Variants in C1QTNF3 observed in about 807,000 individuals in gnomAD.
C1QTNF3 encodes complement C1q tumor necrosis factor-related protein 3.
A neutral mutation model predicts 32.6 loss-of-function variants in C1QTNF3; 26 were observed. The ratio of observed to expected loss-of-function variants is 0.80; its 90% confidence interval spans 0.58 to 1.11. C1QTNF3 has a LOEUF of 1.11. Among genes scored for constraint, C1QTNF3 ranks in the 50% least tolerant of loss-of-function variants. C1QTNF3 has a pLI of 0.00. For synonymous variants in C1QTNF3, 155 were observed against 146.0 expected, an observed-to-expected ratio of 1.06 and a Z score of -0.44; for missense variants, 362 against 398.2, an observed-to-expected ratio of 0.91 and a Z score of 0.77.
At chr5:34,029,995 T>C (rs1429200614) in intron 3 of C1QTNF3, among the ~76,000 whole-genome samples, 1 of 152,178 alleles carries the variant, frequency 6.6e-6, no homozygotes, top group African/African-American at 2.4e-5. Context: ...CCAGAACTTT[T>C]CTAATTTTTT....
At chr5:34,176,154 C>T in the C1QTNF3 span, among the ~76,000 whole-genome samples, 1 of 149,162 alleles carries the variant, frequency 6.7e-6, no homozygotes, top group East Asian at 2.0e-4. Context: ...TCGCCAAGAA[C>T]AAAAAACCAA....
the C1QTNF3 span, among the ~76,000 whole-genome samples, chr5:34,210,701 G>C: frequency 2.6e-5 from 4 of 151,870 alleles, no homozygotes; most frequent in African/African-American, 9.7e-5. Context: ...TCATAAATAT[G>C]ATACAACAGA....
At chr5:34,175,250 G>A in the C1QTNF3 span, among the ~76,000 whole-genome samples, 3 of 151,100 alleles carry the variant, frequency 2.0e-5, no homozygotes, top group Non-Finnish European at 4.4e-5. Context: ...CTCCTATGCT[G>A]AACAGGCTGG....
At chr5:34,040,406 G>A (rs1425067336) in intron 1 of C1QTNF3, among the ~76,000 whole-genome samples, 1 of 152,032 alleles carries the variant, frequency 6.6e-6, no homozygotes, top group Non-Finnish European at 1.5e-5. Context: ...CCAAAAAAAG[G>A]GAAAAGAAAG....
At chr5:34,065,394 G>T in the C1QTNF3 span, among the ~76,000 whole-genome samples, 1 of 152,100 alleles carries the variant, frequency 6.6e-6, no homozygotes, top group Admixed American at 6.6e-5. Context: ...GGCCATGCAT[G>T]GTGGCTCACA....
chr5:34,059,515 T>G, the C1QTNF3 span, among the ~76,000 whole-genome samples: 1 of 152,178 alleles, frequency 6.6e-6, no homozygotes, highest in African/African-American at 2.4e-5. Context: ...GCCTGCTTCC[T>G]GGTCTATAGA....
chr5:34,211,017 T>C, the C1QTNF3 span, among the ~76,000 whole-genome samples: 1 of 151,744 alleles, frequency 6.6e-6, no homozygotes, highest in Non-Finnish European at 1.5e-5. Context: ...ATTTTATTAT[T>C]TCTATTTCTA....
At chr5:34,108,052 A>G in the C1QTNF3 span, among the ~76,000 whole-genome samples, 34 of 152,248 alleles carry the variant, frequency 2.2e-4, no homozygotes, top group South Asian at 1.7e-3. Flanking sequence ...GAAAGAAAGA[A>G]AGAGAGAGGA....
At chr5:34,034,467 T>C (rs1031586246) in intron 2 of C1QTNF3, among the ~76,000 whole-genome samples, 12 of 152,246 alleles carry the variant, frequency 7.9e-5, no homozygotes, top group Non-Finnish European at 1.3e-4. Flanking sequence ...AAAACAATTT[T>C]AACTTTTCCC....
chr5:34,038,880 A>C (rs993309125), intron 1 of C1QTNF3, among the ~76,000 whole-genome samples: 1 of 152,166 alleles, frequency 6.6e-6, no homozygotes. Context: ...TCAGGTGATC[A>C]TCAGGTGATG....
At chr5:34,174,574 A>T in the C1QTNF3 span, among the ~76,000 whole-genome samples, 183 of 152,104 alleles carry the variant, frequency 1.2e-3, 1 homozygote, top group African/African-American at 4.3e-3. Flanking sequence ...ATCTTCCCCT[A>T]TAAGTAATGT....
At chr5:34,134,698 T>A in the C1QTNF3 span, among the ~76,000 whole-genome samples, 1 of 152,008 alleles carries the variant, frequency 6.6e-6, no homozygotes, top group African/African-American at 2.4e-5. Flanking sequence ...TGAATGGGAG[T>A]TCACTCATGA....
At chr5:34,154,584 C>T in the C1QTNF3 span, among the ~76,000 whole-genome samples, 3 of 152,128 alleles carry the variant, frequency 2.0e-5, no homozygotes, top group Non-Finnish European at 4.4e-5. Flanking sequence ...AACTAGTTTT[C>T]AGTCAAATCA....
At chr5:34,230,773 AT>A in the C1QTNF3 span, among the ~76,000 whole-genome samples, 1 of 149,762 alleles carries the variant, frequency 6.7e-6, no homozygotes, top group African/African-American at 2.4e-5. Flanking sequence ...GTGTATTGGT[AT>A]AAAACTAACC....
the C1QTNF3 span, among the ~76,000 whole-genome samples, chr5:34,049,718 C>T: frequency 6.6e-6 from 1 of 152,194 alleles, no homozygotes; most frequent in African/African-American, 2.4e-5. Context: ...GTCTGAAACT[C>T]ACAGGGCAGG....
intron 3 of C1QTNF3, 97 bp from the exon 4 acceptor site, chr5:34,028,980 A>G: frequency 1.0e-6 from 1 of 1,000,852 alleles, no homozygotes; most frequent in Non-Finnish European, 1.5e-6. Context: ...CATAACAGCA[A>G]GATTGGGAAT....
the C1QTNF3 span, among the ~76,000 whole-genome samples, chr5:34,074,809 C>G: frequency 6.7e-6 from 1 of 149,562 alleles, no homozygotes; most frequent in African/African-American, 2.5e-5. Flanking sequence ...CTAATCCGTT[C>G]GAGATATTGA....
At chr5:34,059,254 A>G in the C1QTNF3 span, among the ~76,000 whole-genome samples, 2 of 152,054 alleles carry the variant, frequency 1.3e-5, no homozygotes, top group African/African-American at 4.8e-5. Context: ...ATGGTCGTCC[A>G]TGTGTGCACG....
At chr5:34,217,718 G>A in the C1QTNF3 span, among the ~76,000 whole-genome samples, 140 of 152,052 alleles carry the variant, frequency 9.2e-4, no homozygotes, top group African/African-American at 3.3e-3. Flanking sequence ...AACACTGGAA[G>A]GTTAAAAGCA....
Sources: allele counts gnomAD v4.1 joint callset (sites outside exome capture counted in the v4.1 genomes callset), GRCh38; gene constraint gnomAD v4.1.1; transcripts MANE v1.5; gene names NCBI Gene and HGNC (gene_info 2026-07-23, HGNC 2026-07-21).